Variants in ITPR1 observed in about 807,000 individuals in gnomAD.
ITPR1 encodes inositol 1,4,5-trisphosphate receptor type 1, also known as inositol 1,4,5-trisphosphate-gated calcium channel ITPR1.
Under a neutral mutation model 318.4 loss-of-function variants are expected in ITPR1, and 96 were observed. That is an observed-to-expected ratio of 0.30 (90% CI 0.26 to 0.36). ITPR1 has a LOEUF of 0.36. Among genes scored for constraint, ITPR1 ranks in the 10% least tolerant of loss-of-function variants. The pLI, the probability that ITPR1 is intolerant of heterozygous loss-of-function variation, is 1.00. For missense variants in ITPR1, 2,440 were observed against 3,460.2 expected (o/e 0.71, Z 7.40); for synonymous variants, 1,312 against 1,289.9 (o/e 1.02, Z -0.37).
chr3:4,541,730 G>A (rs1244920152), intron 4 of ITPR1, among the ~76,000 whole-genome samples: 16 of 151,602 alleles, frequency 1.1e-4, no homozygotes, highest in Admixed American at 7.2e-4. Context: ...GGTTCAAGCC[G>A]TTCTCCTGCC....
At chr3:4,643,591 G>T (rs934211212) in intron 7 of ITPR1, among the ~76,000 whole-genome samples, 27 of 50,928 alleles carry the variant, frequency 5.3e-4, no homozygotes, top group African/African-American at 1.1e-3. Flanking sequence ...GATAAGTATT[G>T]TTTTTTTGGG....
chr3:4,697,020 GAAGT>G, intron 33 of ITPR1, 123 bp from the exon 34 acceptor site: 1 of 695,852 alleles, frequency 1.4e-6, no homozygotes, highest in Non-Finnish European at 2.3e-6. Flanking sequence ...GAAAATCATA[GAAGT>G]AAGACTTGGC....
intron 51 of ITPR1, among the ~76,000 whole-genome samples, chr3:4,785,549 T>C (rs1390497190): frequency 8.6e-5 from 11 of 127,312 alleles, no homozygotes; most frequent in Non-Finnish European, 1.9e-4. Flanking sequence ...TAGCCAACCA[T>C]GCCAGTGTAT....
In ITPR1 at chr3:4,736,270, A is replaced by T. The variant is rs139026313; in HGVS notation, c.5544+916A>T. On this transcript the variant is annotated intron_variant, in intron 44 of 61. Transcript: ENST00000649015. Reference sequence around the variant, plus strand: ...AAATTCACCCTGATGTATATATTTGACCTGACATATTCTTGGCCTTGAACT... The same window carrying T: ...AAATTCACCCTGATGTATATATTTGTCCTGACATATTCTTGGCCTTGAACT... 2.6e-5 allele frequency among the ~76,000 whole-genome samples: 4 copies of T among 152,292 alleles called. No individual in the cohort carries two copies. In the East Asian group the frequency reaches 7.7e-4, roughly 29 times the overall value.
intron 4 of ITPR1, among the ~76,000 whole-genome samples, chr3:4,627,182 T>G (rs1490138251): frequency 6.6e-6 from 1 of 151,202 alleles, no homozygotes; most frequent in East Asian, 1.9e-4. Flanking sequence ...AAAAAAAAAA[T>G]ACTTGTATGC....
At chr3:4,540,676 C>T (rs1020007875) in intron 4 of ITPR1, among the ~76,000 whole-genome samples, 11 of 152,110 alleles carry the variant, frequency 7.2e-5, no homozygotes, top group African/African-American at 2.7e-4. Flanking sequence ...TAATCTCTGC[C>T]TCCTGGGTTC....
chr3:4,524,480 G>A (rs1051940497), intron 4 of ITPR1, among the ~76,000 whole-genome samples: 11 of 152,174 alleles, frequency 7.2e-5, no homozygotes, highest in African/African-American at 2.2e-4. Context: ...TCATGGACTC[G>A]TTGCACCCTA....
chr3:4,825,893 C>T, intron 60 of ITPR1: 1 of 414,262 alleles, frequency 2.4e-6, no homozygotes, highest in South Asian at 1.7e-5. Context: ...AGAGTAAGGA[C>T]CTAGGTTTGG....
intron 4 of ITPR1, among the ~76,000 whole-genome samples, chr3:4,521,297 G>A (rs2082545307): frequency 6.6e-6 from 1 of 152,070 alleles, no homozygotes; most frequent in African/African-American, 2.4e-5. Flanking sequence ...CTTTTACTGG[G>A]TCCTTAATTT....
chr3:4,711,210 CAAA>C (rs1169754547), intron 38 of ITPR1, among the ~76,000 whole-genome samples: 2 of 57,912 alleles, frequency 3.5e-5, no homozygotes, highest in Non-Finnish European at 3.5e-5. Flanking sequence ...GACCTTGTCT[CAAA>C]AAAAAAAAAA....
intron 4 of ITPR1, among the ~76,000 whole-genome samples, chr3:4,554,262 C>T (rs2085887787): frequency 1.3e-5 from 2 of 152,166 alleles, no homozygotes; most frequent in African/African-American, 4.8e-5. Flanking sequence ...CCACTGATAC[C>T]TGTGAGCTTA....
At chr3:4,512,043 A>C (rs1012150193) in intron 2 of ITPR1, among the ~76,000 whole-genome samples, 1 of 152,148 alleles carries the variant, frequency 6.6e-6, no homozygotes. Context: ...GCTGGAATGC[A>C]GTGGTATGAT....
chr3:4,612,849 T>G (rs2092217979), intron 4 of ITPR1, among the ~76,000 whole-genome samples: 1 of 152,224 alleles, frequency 6.6e-6, no homozygotes, highest in Non-Finnish European at 1.5e-5. Context: ...ATCCTGCTCC[T>G]GCACTCCAGC....
chr3:4,639,554 G>A (rs2093287289), intron 6 of ITPR1, 84 bp downstream of exon 6: 1 of 1,022,374 alleles, frequency 9.8e-7, no homozygotes, highest in Non-Finnish European at 1.5e-6. Flanking sequence ...GACAGGGTTT[G>A]GACACCTTTA....
intron 41 of ITPR1, 31 bp from the exon 42 acceptor site, chr3:4,727,095 T>C (rs754330908): frequency 1.9e-5 from 30 of 1,577,716 alleles, no homozygotes; most frequent in Non-Finnish European, 2.6e-5. Flanking sequence ...CTTAGTGTTG[T>C]ATTAAAATGG....
At chr3:4,612,818 C>T (rs1177396840) in intron 4 of ITPR1, among the ~76,000 whole-genome samples, 1 of 152,068 alleles carries the variant, frequency 6.6e-6, no homozygotes, top group East Asian at 1.9e-4. Context: ...ACCCAGGAGG[C>T]GGAGGTTGCA....
intron 61 of ITPR1, among the ~76,000 whole-genome samples, chr3:4,843,839 C>A (rs2051554104): frequency 6.6e-6 from 1 of 152,132 alleles, no homozygotes; most frequent in Non-Finnish European, 1.5e-5. Flanking sequence ...GCCAGGCCAC[C>A]AACTGAAGAC....
At chr3:4,556,660 G>T (rs925764890) in intron 4 of ITPR1, among the ~76,000 whole-genome samples, 2 of 151,886 alleles carry the variant, frequency 1.3e-5, no homozygotes, top group Non-Finnish European at 2.9e-5. Flanking sequence ...TCTTTTCAGC[G>T]CTGAGTAATA....
Position 4,514,021 on chromosome 3 carries a change from A to C in ITPR1, c.-16-2455A>C, listed in dbSNP as rs973928137. On this transcript the variant is annotated intron_variant, in intron 2 of 61. Coordinates refer to ENST00000649015, the MANE Select transcript of ITPR1 (RefSeq NM_001378452.1). ...AGAATCGCTTGAACCTGGGAGGTGGAGGTTGCAGTGAGCTGAGATTGTGCC... is the reference window on the plus strand; with the variant it reads ...AGAATCGCTTGAACCTGGGAGGTGGCGGTTGCAGTGAGCTGAGATTGTGCC... Among the ~76,000 whole-genome samples, 9 of 151,604 alleles carry C rather than the reference A, an allele frequency of 5.9e-5. 1 individual carries two copies.
Sources: allele counts gnomAD v4.1 joint callset (sites outside exome capture counted in the v4.1 genomes callset), GRCh38; gene constraint gnomAD v4.1.1; transcripts MANE v1.5; gene names NCBI Gene and HGNC (gene_info 2026-07-23, HGNC 2026-07-21).